MPP7: variants seen among roughly 807,000 people sequenced by gnomAD.
MPP7 encodes MAGUK p55 scaffold protein 7.
In MPP7, 60 loss-of-function variants were observed where a neutral mutation model predicts 76.5. The observed-to-expected ratio is 0.78, with a 90% confidence interval of 0.64 to 0.97. The LOEUF (loss-of-function observed/expected upper bound fraction) is 0.97. Among genes scored for constraint, MPP7 ranks in the 50% least tolerant of loss-of-function variants. The pLI, the probability that MPP7 is intolerant of heterozygous loss-of-function variation, is 0.00. For synonymous variants in MPP7, 237 were observed against 244.5 expected (o/e 0.97, Z 0.29); for missense variants, 641 against 694.0 (o/e 0.92, Z 0.86).
chr10:28,269,380 T>C (rs1840248981), intron 1 of MPP7, among the ~76,000 whole-genome samples: 1 of 152,192 alleles, frequency 6.6e-6, no homozygotes, highest in South Asian at 2.1e-4. Context: ...TAAGCATAAA[T>C]TGGGTAGTGA....
rs5784042 is a variant in MPP7 at position 28,124,466 on chromosome 10, A to ATTTTTTT, written c.530-357_530-351dup. Among the ~76,000 whole-genome samples the ATTTTTTT allele has an allele frequency of 4.9e-4, 39 of 80,092 alleles. 6 individuals are homozygous for ATTTTTTT. The highest frequency in any genetic ancestry group is 1.4e-3 in the African/African-American group (28 of 19,818). The allele number at this position is 80,092 out of a possible 152,430, so 52.5% of individuals were successfully genotyped here. A position where few individuals can be genotyped will look rare whatever the true frequency, so the allele number is the denominator to read the frequency against. The stretch of plus-strand genomic sequence containing the variant: ...AATTGAGAAATACAGAAGAAACAAG[A>ATTTTTTT]TTTTTTTTTTTTTTTTTTTTTTTTT... On this transcript the variant is annotated intron_variant, in intron 7 of 16. Coordinates refer to ENST00000683449, the MANE Select transcript of MPP7 (RefSeq NM_001318170.2).
At chr10:28,195,352 T>TA (rs1412550799) in intron 3 of MPP7, among the ~76,000 whole-genome samples, 1 of 152,290 alleles carries the variant, frequency 6.6e-6, no homozygotes, top group African/African-American at 2.4e-5. Context: ...CATAAAAACT[T>TA]AGAGCTACCA....
intron 12 of MPP7, among the ~76,000 whole-genome samples, chr10:28,078,657 A>G (rs918080298): frequency 1.3e-5 from 2 of 152,212 alleles, no homozygotes; most frequent in Non-Finnish European, 2.9e-5. Flanking sequence ...ACCATGTTGG[A>G]AAGGAAGAAT....
At chr10:28,097,658 A>T (rs1305691918) in intron 11 of MPP7, among the ~76,000 whole-genome samples, 2 of 152,228 alleles carry the variant, frequency 1.3e-5, no homozygotes, top group East Asian at 3.8e-4. Context: ...TAGGTATGAA[A>T]TAATTTAATA....
At chr10:28,056,676 A>C in intron 15 of MPP7, 53 bp from the exon 16 acceptor site, 1 of 1,463,506 alleles carries the variant, frequency 6.8e-7, no homozygotes, top group Middle Eastern at 2.1e-4. Flanking sequence ...ATCATGAATT[A>C]CTGAATTTTC....
chr10:28,303,960 A>C (rs879323332), upstream of MPP7, among the ~76,000 whole-genome samples: 5 of 152,208 alleles, frequency 3.3e-5, no homozygotes, highest in Non-Finnish European at 7.3e-5. Context: ...GAAGAATTAG[A>C]ATCCAAAGTA....
At chr10:28,133,310 AC>A (rs762268980) in intron 5 of MPP7, among the ~76,000 whole-genome samples, 7 of 152,286 alleles carry the variant, frequency 4.6e-5, no homozygotes, top group Non-Finnish European at 8.8e-5. Context: ...CATTGGGATG[AC>A]CAAACTCTCC....
chr10:28,135,682 G>A (rs553291589), intron 5 of MPP7, among the ~76,000 whole-genome samples: 1 of 152,202 alleles, frequency 6.6e-6, no homozygotes, highest in Admixed American at 6.5e-5. Flanking sequence ...TAATTCATAG[G>A]CACTGAGAAG....
At chr10:28,055,147 T>G (rs942642491) in intron 16 of MPP7, among the ~76,000 whole-genome samples, 6 of 152,214 alleles carry the variant, frequency 3.9e-5, no homozygotes, top group African/African-American at 1.4e-4. Context: ...CTTTAAAATG[T>G]CTAAATAGTA....
intron 3 of MPP7, among the ~76,000 whole-genome samples, chr10:28,163,284 T>G (rs1300819287): frequency 6.6e-6 from 1 of 152,204 alleles, no homozygotes; most frequent in Admixed American, 6.5e-5. Context: ...CTTAGGGACT[T>G]TGTACTTGCT....
chr10:28,249,224 T>C (rs541791662), intron 1 of MPP7, among the ~76,000 whole-genome samples: 3 of 145,326 alleles, frequency 2.1e-5, no homozygotes, highest in Non-Finnish European at 4.5e-5. Context: ...CTAATCTCAT[T>C]GATCACAACC....
At chr10:28,083,653 T>C (rs1312661592) in intron 12 of MPP7, among the ~76,000 whole-genome samples, 1 of 148,052 alleles carries the variant, frequency 6.8e-6, no homozygotes, top group African/African-American at 2.5e-5. Context: ...GTCTCCTGCC[T>C]CAGCCTCCCG....
chr10:28,073,786 T>A (rs575779712), intron 12 of MPP7, among the ~76,000 whole-genome samples: 3 of 151,948 alleles, frequency 2.0e-5, no homozygotes, highest in Non-Finnish European at 4.4e-5. Context: ...AAAAAATATT[T>A]TTTTTTTACC....
intron 13 of MPP7, 115 bp downstream of exon 13, chr10:28,069,657 T>A: frequency 1.4e-6 from 1 of 695,804 alleles, no homozygotes; most frequent in East Asian, 3.4e-5. Context: ...TACATATACC[T>A]ACCATGTACC....
At chr10:28,141,803 G>A in intron 5 of MPP7, among the ~76,000 whole-genome samples, 1 of 151,840 alleles carries the variant, frequency 6.6e-6, no homozygotes, top group African/African-American at 2.4e-5. Context: ...AATTTCTTCT[G>A]GGAAAATACA....
At chr10:28,305,568 G>C (rs1841248884), upstream of MPP7, 1 of 152,270 alleles carries the variant, frequency 6.6e-6, no homozygotes, top group Non-Finnish European at 1.5e-5. Context: ...GGGAAATCAA[G>C]AGTACTATGG....
At chr10:28,166,677 G>T (rs1405628045) in intron 3 of MPP7, among the ~76,000 whole-genome samples, 1 of 151,984 alleles carries the variant, frequency 6.6e-6, no homozygotes, top group African/African-American at 2.4e-5. Context: ...AAAGTGCTGG[G>T]ATTACAGGCG....
chr10:28,242,575 C>T (rs936963749), intron 1 of MPP7, among the ~76,000 whole-genome samples: 3 of 152,304 alleles, frequency 2.0e-5, no homozygotes, highest in South Asian at 4.1e-4. Flanking sequence ...AAAGCATGGT[C>T]CACAGACCCC....
At chr10:28,087,730 C>T (rs12244945) in intron 12 of MPP7, among the ~76,000 whole-genome samples, 15,410 of 152,036 alleles carry the variant, frequency 0.1, 1,065 homozygotes, top group East Asian at 0.26. Flanking sequence ...TTCCCCTTGG[C>T]TGAGGAGAAG....
Sources: allele counts gnomAD v4.1 joint callset (sites outside exome capture counted in the v4.1 genomes callset), GRCh38; gene constraint gnomAD v4.1.1; transcripts MANE v1.5; gene names NCBI Gene and HGNC (gene_info 2026-07-23, HGNC 2026-07-21).